AXL: variants seen among roughly 807,000 people sequenced by gnomAD.
The protein encoded by AXL is AXL receptor tyrosine kinase.
A neutral mutation model predicts 104.5 loss-of-function variants in AXL; 52 were observed. The observed-to-expected ratio is 0.50, with a 90% CI of 0.40 to 0.63. The LOEUF is 0.63. Ranked by LOEUF, AXL falls within the 20% of genes least tolerant of loss-of-function variation. The pLI, the probability that AXL is intolerant of heterozygous loss-of-function variation, is 0.00. For missense variants in AXL, 1,024 were observed against 1,188.5 expected, an observed-to-expected ratio of 0.86 and a Z score of 2.04; for synonymous variants, 455 against 473.7, an observed-to-expected ratio of 0.96 and a Z score of 0.51.
At chr19:41,222,280 G>T (rs2033805066) in intron 4 of AXL, among the ~76,000 whole-genome samples, 1 of 151,884 alleles carries the variant, frequency 6.6e-6, no homozygotes, top group Non-Finnish European at 1.5e-5. Flanking sequence ...CTTGGTGTGT[G>T]TGTCTTTCTG....
At chr19:41,224,773 A>T (rs2033849493) in intron 4 of AXL, among the ~76,000 whole-genome samples, 1 of 150,128 alleles carries the variant, frequency 6.7e-6, no homozygotes, top group Non-Finnish European at 1.5e-5. Context: ...TTGGTGTATG[A>T]CTGTAGTCAC....
Position 41,221,899 on chromosome 19 carries a change from G to A in AXL, c.429G>A (p.Glu143=), listed in dbSNP as rs774338299. The A allele has an allele frequency of 9.3e-6, 15 of 1,613,780 alleles. No homozygotes were observed. The highest frequency in any genetic ancestry group is 1.3e-5 in the Non-Finnish European group (15 of 1,179,904). The part of the protein sequence containing the change: ...VGLEGLPYFL[E]EPEDRTVAAN... ...CGCTAGGCTTGCCTTACTTCCTGGAGGAGCCCGAAGACAGGACTGTGGCCG... is the reference window on the plus strand; with the variant it reads ...CGCTAGGCTTGCCTTACTTCCTGGAAGAGCCCGAAGACAGGACTGTGGCCG... The change falls in exon 4 of 20, where the codon GAG becomes GAA. Residue 143 remains glutamate, a synonymous_variant. Transcript: ENST00000301178.
intron 17 of AXL, 47 bp downstream of exon 17, chr19:41,253,755 C>A: frequency 1.4e-6 from 2 of 1,443,992 alleles, no homozygotes; most frequent in Non-Finnish European, 9.7e-7. Context: ...TCCTGCACTC[C>A]CTGAGGGAGT....
At position 41,224,707 on chromosome 19, in the gene AXL, G is replaced by T. The variant is rs1220410288; in HGVS notation, c.586+2651G>T. Among the ~76,000 whole-genome samples the T allele has an allele frequency of 2.0e-5, 3 of 152,162 alleles. No homozygotes were observed. The South Asian group carries it at 6.2e-4, about 32-fold the overall frequency. On this transcript the variant is annotated intron_variant, in intron 4 of 19. Transcript: ENST00000301178. Reference sequence around the variant, plus strand: ...ACCCTCAGCCTCTTACCAGCTTTCTGTGTGTGTCCATAGATGTCTCTGTGG... The same window carrying T: ...ACCCTCAGCCTCTTACCAGCTTTCTTTGTGTGTCCATAGATGTCTCTGTGG...
intron 4 of AXL, among the ~76,000 whole-genome samples, chr19:41,223,375 C>T (rs2033826824): frequency 6.6e-6 from 1 of 152,144 alleles, no homozygotes; most frequent in Non-Finnish European, 1.5e-5. Flanking sequence ...GGGACCATTC[C>T]CTTCTGCACC....
intron 12 of AXL, among the ~76,000 whole-genome samples, chr19:41,248,301 C>G (rs1246347184): frequency 6.6e-6 from 1 of 152,264 alleles, no homozygotes; most frequent in Non-Finnish European, 1.5e-5. Flanking sequence ...CGTGGCCAGG[C>G]TTTACCCCTT....
At chr19:41,250,648 G>A (rs2034347004) in intron 14 of AXL, among the ~76,000 whole-genome samples, 1 of 152,014 alleles carries the variant, frequency 6.6e-6, no homozygotes, top group East Asian at 1.9e-4. Flanking sequence ...TCACCATGTT[G>A]GCCAGGATGG....
At chr19:41,224,115 G>A (rs1185099069) in intron 4 of AXL, among the ~76,000 whole-genome samples, 1 of 151,910 alleles carries the variant, frequency 6.6e-6, no homozygotes, top group Non-Finnish European at 1.5e-5. Context: ...TGCGCATGAT[G>A]GAGTGTACCA....
In AXL at chr19:41,222,172, G is replaced by C. The variant is rs1207113475; in HGVS notation, c.586+116G>C. 17 of 1,159,262 alleles carry C rather than the reference G, an allele frequency of 1.5e-5. No individual in the cohort carries two copies. In the Admixed American group the frequency reaches 5.1e-4, roughly 35 times the overall value. 71.8% of individuals were successfully genotyped at this position (1,159,262 alleles called of 1,614,324 possible). ...TCTGACTGTCCTTCTGTCCCTCACT[G>C]TCTGTCTCTCTCGTTTCTCCCTCTG... On this transcript the variant is annotated intron_variant, in intron 4 of 19. Coordinates refer to ENST00000301178, the MANE Select transcript of AXL (RefSeq NM_021913.5).
At chr19:41,239,401 C>T in intron 9 of AXL, 87 bp downstream of exon 9, 2 of 1,501,706 alleles carry the variant, frequency 1.3e-6, no homozygotes, top group Middle Eastern at 5.0e-4. Context: ...AGTGTTACCG[C>T]AACTTAGGCC....
chr19:41,259,313 A>G (rs1186465757), intron 19 of AXL, among the ~76,000 whole-genome samples: 2 of 152,256 alleles, frequency 1.3e-5, no homozygotes, highest in African/African-American at 2.4e-5. Flanking sequence ...TCATCAGAAT[A>G]CTACTCCATA....
At chr19:41,253,065 G>A (rs1292043144) in intron 16 of AXL, 98 bp downstream of exon 16, 3 of 1,365,862 alleles carry the variant, frequency 2.2e-6, no homozygotes, top group South Asian at 2.7e-5. Context: ...GTGACCAGGA[G>A]CTTGCTCTCC....
intron 12 of AXL, 79 bp from the exon 13 acceptor site, chr19:41,248,435 T>C: frequency 7.4e-7 from 1 of 1,345,336 alleles, no homozygotes; most frequent in South Asian, 1.2e-5. Flanking sequence ...CAACAATGGA[T>C]CTATCCCTAC....
Position 41,237,990 on chromosome 19 carries a change from A to AC in AXL, c.836dup (p.Glu280ArgfsTer59), listed in dbSNP as rs758581229. On this transcript the variant is annotated frameshift_variant, in exon 7 of 20. Transcript: ENST00000301178. LOFTEE classifies it high-confidence loss of function. Reference sequence around the variant, plus strand: ...ATGGGCATCCAGGCGGGAGAACCAGACCCCCCAGAGGAGCCCCTCACCTCG... The same window carrying AC: ...ATGGGCATCCAGGCGGGAGAACCAGACCCCCCCAGAGGAGCCCCTCACCTCG... 6.2e-7 allele frequency: 1 copy of AC among 1,612,876 alleles called. No homozygotes were observed. Among genetic ancestry groups the AC allele is most frequent in the Non-Finnish European group, 8.5e-7 (1 of 1,179,648 alleles).
intron 11 of AXL, 93 bp from the exon 12 acceptor site, chr19:41,243,523 C>T (rs1311136336): frequency 2.0e-6 from 2 of 993,588 alleles, no homozygotes; most frequent in South Asian, 1.3e-5. Flanking sequence ...GCAGGCAGGG[C>T]TTGAGGCTGA....
chr19:41,221,308 G>C, intron 3 of AXL, 62 bp downstream of exon 3: 4 of 1,479,914 alleles, frequency 2.7e-6, no homozygotes, highest in Non-Finnish European at 3.7e-6. Flanking sequence ...TAGGTTGTGG[G>C]AAGTCAGGAA....
chr19:41,241,709 G>C (rs927933577), intron 10 of AXL, among the ~76,000 whole-genome samples: 1 of 151,988 alleles, frequency 6.6e-6, no homozygotes, highest in Non-Finnish European at 1.5e-5. Context: ...TGGGCATGGT[G>C]GTGCACACCT....
chr19:41,226,189 C>T (rs2033877055), intron 4 of AXL, among the ~76,000 whole-genome samples: 1 of 151,978 alleles, frequency 6.6e-6, no homozygotes, highest in Non-Finnish European at 1.5e-5. Context: ...GAGGTGCCCC[C>T]GGTGACTCAC....
intron 10 of AXL, among the ~76,000 whole-genome samples, chr19:41,242,547 CT>C (rs1211988240): frequency 6.6e-6 from 1 of 152,046 alleles, no homozygotes; most frequent in African/African-American, 2.4e-5. Context: ...CCGGGCTGGT[CT>C]TGAACTCCTT....
Sources: gnomAD v4.1 joint callset for allele counts (sites outside exome capture counted in the v4.1 genomes callset) on GRCh38, gnomAD v4.1.1 for gene constraint, MANE v1.5 for transcripts, NCBI Gene and HGNC (gene_info 2026-07-23, HGNC 2026-07-21) for gene names.